The following UBR1 variants were observed in gnomAD, a reference collection of about 807,000 sequenced individuals.
UBR1 encodes E3 ubiquitin-protein ligase UBR1.
Under a neutral mutation model 242.1 loss-of-function variants are expected in UBR1, and 102 were observed. The ratio of observed to expected loss-of-function variants is 0.42; its 90% confidence interval spans 0.36 to 0.50. The LOEUF (loss-of-function observed/expected upper bound fraction) is 0.50. UBR1 is among the 20% of genes least tolerant of loss of function. UBR1 has a pLI of 0.01. For synonymous variants in UBR1, 675 were observed against 684.8 expected, an observed-to-expected ratio of 0.99 and a Z score of 0.22; for missense variants, 1,772 against 2,101.8, an observed-to-expected ratio of 0.84 and a Z score of 3.07.
intron 1 of UBR1, among the ~76,000 whole-genome samples, chr15:43,098,868 C>G (rs941391454): frequency 1.3e-5 from 2 of 152,148 alleles, no homozygotes; most frequent in African/African-American, 4.8e-5. Context: ...CAGTTAGACT[C>G]AAAAGACCTA....
intron 19 of UBR1, among the ~76,000 whole-genome samples, chr15:43,034,528 C>T (rs2033304896): frequency 6.6e-6 from 1 of 151,946 alleles, no homozygotes; most frequent in Non-Finnish European, 1.5e-5. Flanking sequence ...TATAGATGTA[C>T]ATACTGAAAG....
At chr15:43,049,576 G>A (rs1249779407) in intron 12 of UBR1, among the ~76,000 whole-genome samples, 2 of 151,968 alleles carry the variant, frequency 1.3e-5, no homozygotes, top group African/African-American at 2.4e-5. Flanking sequence ...AGTAATGTAG[G>A]TACATAAAGA....
chr15:43,036,608 G>GTGTTT lies in UBR1; in HGVS notation c.2023-16_2023-15insAAACA. On this transcript the variant is annotated splice_polypyrimidine_tract_variant and intron_variant, in intron 17 of 46. Transcript: ENST00000290650. ...TAATAAAACACCTATAAGGTAATAG[G>GTGTTT]TAGAATAAATCCTAAAAGAATTATT... The GTGTTT allele has an allele frequency of 6.8e-7, 1 of 1,480,442 alleles. No individual in the cohort carries two copies. Among genetic ancestry groups the GTGTTT allele is most frequent in the Non-Finnish European group, 9.4e-7 (1 of 1,062,714 alleles). 91.7% of individuals were successfully genotyped at this position (1,480,442 alleles called of 1,614,324 possible). A position where few individuals can be genotyped will look rare whatever the true frequency, so the allele number is the denominator to read the frequency against.
In UBR1 at chr15:43,038,183, T is replaced by C; in HGVS notation, c.1899A>G (p.Glu633=). The C allele has an allele frequency of 6.2e-7, 1 of 1,613,918 alleles. No individual in the cohort carries two copies. The highest frequency in any genetic ancestry group is 8.5e-7 in the Non-Finnish European group (1 of 1,179,942). ...TAGAATCACTTACAAAAGACACAAATTCATGCAGTCTTGAAACAGCACCCA... is the reference window on the plus strand; with the variant it reads ...TAGAATCACTTACAAAAGACACAAACTCATGCAGTCTTGAAACAGCACCCA... ...SRLGAVSRLH[E]FVSFEDFQVE... Residue 633 remains glutamate, a synonymous_variant, in exon 16 of 47, where the codon GAA becomes GAG. Coordinates refer to ENST00000290650, the MANE Select transcript of UBR1 (RefSeq NM_174916.3).
intron 6 of UBR1, among the ~76,000 whole-genome samples, chr15:43,061,022 T>C (rs1042572291): frequency 2.0e-5 from 3 of 151,446 alleles, no homozygotes; most frequent in Admixed American, 2.0e-4. Flanking sequence ...TTACATAAAC[T>C]CGAGCTCAAT....
intron 6 of UBR1, among the ~76,000 whole-genome samples, chr15:43,065,401 G>GT (rs780898902): frequency 1.3e-5 from 2 of 151,766 alleles, no homozygotes; most frequent in African/African-American, 4.8e-5. Flanking sequence ...ACATGGGCAG[G>GT]TTTTTTACAG....
chr15:43,075,677 G>A (rs1399565932), intron 3 of UBR1, among the ~76,000 whole-genome samples: 3 of 150,974 alleles, frequency 2.0e-5, no homozygotes, highest in Non-Finnish European at 4.4e-5. Context: ...GTGCAATGGC[G>A]TGATCTTGGC....
chr15:43,104,191 A>G (rs1418358391), intron 1 of UBR1, among the ~76,000 whole-genome samples: 1 of 152,244 alleles, frequency 6.6e-6, no homozygotes, highest in Non-Finnish European at 1.5e-5. Flanking sequence ...CCTGAGGTAA[A>G]GAGTTGCCAC....
At chr15:42,976,953 A>G in intron 38 of UBR1, 86 bp from the exon 39 acceptor site, 1 of 1,410,236 alleles carries the variant, frequency 7.1e-7, no homozygotes, top group Non-Finnish European at 9.9e-7. Context: ...AGGGCAGCAG[A>G]TGCTACACAG....
At chr15:43,024,435 G>C (rs1260901946) in intron 25 of UBR1, among the ~76,000 whole-genome samples, 1 of 152,088 alleles carries the variant, frequency 6.6e-6, no homozygotes, top group Non-Finnish European at 1.5e-5. Flanking sequence ...TTACTAATGA[G>C]AAAATTATTA....
Position 43,036,603 on chromosome 15 carries a change from A to ACCTT in UBR1, c.2023-11_2023-10insAAGG. 3.4e-6 allele frequency: 5 copies of ACCTT among 1,471,318 alleles called. No individual in the cohort carries two copies. The highest frequency in any genetic ancestry group is 3.8e-6 in the Non-Finnish European group (4 of 1,054,000). 91.1% of individuals were successfully genotyped at this position (1,471,318 alleles called of 1,614,324 possible). On this transcript the variant is annotated splice_polypyrimidine_tract_variant and intron_variant, in intron 17 of 46. Transcript: ENST00000290650. ...CTTGGTAATAAAACACCTATAAGGT[A>ACCTT]ATAGGTAGAATAAATCCTAAAAGAA...
Position 43,037,063 on chromosome 15 carries a change from C to T in UBR1, c.2023-470G>A, listed in dbSNP as rs1212106729. Among the ~76,000 whole-genome samples, 6 of 151,892 alleles carry T rather than the reference C, an allele frequency of 4.0e-5. No individual in the cohort carries two copies. The East Asian group carries it at 1.2e-3, about 29-fold the overall frequency. ...CTATTTCTCCACCTTTTAAGAAATGCAAGGGCAGGCTCAGTGGCTCATGCC... is the reference window on the plus strand; with the variant it reads ...CTATTTCTCCACCTTTTAAGAAATGTAAGGGCAGGCTCAGTGGCTCATGCC... On this transcript the variant is annotated intron_variant, in intron 17 of 46. Coordinates refer to ENST00000290650, the MANE Select transcript of UBR1 (RefSeq NM_174916.3).
chr15:43,013,451 TG>T (rs2032956415), intron 29 of UBR1, among the ~76,000 whole-genome samples: 1 of 152,236 alleles, frequency 6.6e-6, no homozygotes, highest in Non-Finnish European at 1.5e-5. Flanking sequence ...TATCCATACC[TG>T]TAGTTATAGG....
At chr15:43,006,291 C>A (rs1333753496) in intron 30 of UBR1, among the ~76,000 whole-genome samples, 1 of 152,110 alleles carries the variant, frequency 6.6e-6, no homozygotes, top group Non-Finnish European at 1.5e-5. Flanking sequence ...AGTAAATACA[C>A]ATAAAGCACT....
chr15:42,991,507 CCAAA>C (rs774151875), intron 33 of UBR1, among the ~76,000 whole-genome samples: 8 of 152,000 alleles, frequency 5.3e-5, no homozygotes, highest in Non-Finnish European at 1.2e-4. Flanking sequence ...TTGTCTTTCA[CCAAA>C]TTTGGGAAAT....
intron 30 of UBR1, among the ~76,000 whole-genome samples, chr15:43,004,782 G>T (rs1001624224): frequency 1.3e-5 from 2 of 152,202 alleles, no homozygotes; most frequent in African/African-American, 4.8e-5. Context: ...CGAGATTGCA[G>T]CCTCTGCCCA....
In UBR1 at chr15:43,089,079, T is replaced by C. The variant is rs547702389; in HGVS notation, c.82-2839A>G. ...CAGGAGTCTGAGGCACGAGAATTGC[T>C]TGAACCCGAGAGGCAGAAGTTGCAG... On this transcript the variant is annotated intron_variant, in intron 1 of 46. Coordinates refer to ENST00000290650, the MANE Select transcript of UBR1 (RefSeq NM_174916.3). 5.3e-5 allele frequency among the ~76,000 whole-genome samples: 8 copies of C among 151,966 alleles called. No homozygotes were observed. The East Asian group carries it at 1.6e-3, about 29-fold the overall frequency.
Position 42,988,827 on chromosome 15 carries a change from T to G in UBR1, c.3989A>C (p.Gln1330Pro). Reference protein sequence around the residue: ...LTWSTCAFTIQAIENLLGDEG... With the variant: ...LTWSTCAFTIPAIENLLGDEG... ...TTTCTTATGAGCTTTACCAATTGCC[T>G]GGATAGTGAAAGCGCAGGTGCTCCA... Residue 1330 changes from glutamine (Q) to proline (P), a missense_variant, in exon 35 of 47, where the codon CAG becomes CCG. Physicochemically the swap from Gln to Pro is moderately conservative, Grantham distance 76. Around this residue, in one of 3 missense-constraint regions of UBR1, gnomAD observed 965 missense variants for 1,079.7 expected, o/e 0.89. Coordinates refer to ENST00000290650, the MANE Select transcript of UBR1 (RefSeq NM_174916.3). 1 of 1,614,234 alleles carries G rather than the reference T, an allele frequency of 6.2e-7. No individual in the cohort carries two copies. The highest frequency in any genetic ancestry group is 8.5e-7 in the Non-Finnish European group (1 of 1,180,050).
intron 1 of UBR1, among the ~76,000 whole-genome samples, chr15:43,103,927 G>C (rs1339394714): frequency 6.6e-6 from 1 of 151,512 alleles, no homozygotes; most frequent in Non-Finnish European, 1.5e-5. Flanking sequence ...TTTTAAAAGA[G>C]AAAAAGAGAA....
Sources: allele counts gnomAD v4.1 joint callset (sites outside exome capture counted in the v4.1 genomes callset), GRCh38; gene constraint gnomAD v4.1.1; regional missense constraint gnomAD v4.1.1; transcripts MANE v1.5; gene names NCBI Gene and HGNC (gene_info 2026-07-23, HGNC 2026-07-21).